Variants in CNTLN observed in about 807,000 individuals in gnomAD.
The protein encoded by CNTLN is centlein, also known as centlein, centrosomal protein.
Under a neutral mutation model 180.0 loss-of-function variants are expected in CNTLN, and 212 were observed. The ratio of observed to expected loss-of-function variants is 1.18; its 90% CI spans 1.05 to 1.32. The LOEUF is 1.32. Among genes scored for constraint, CNTLN ranks in the 40% most tolerant of loss-of-function variants. The probability of loss-of-function intolerance (pLI) is 0.00; values close to 1 mark genes in which losing one functional copy is unlikely to be tolerated. For missense variants in CNTLN, 2,095 were observed against 1,610.9 expected (o/e 1.30, Z -5.14); for synonymous variants, 722 against 563.1 (o/e 1.28, Z -3.99).
intron 6 of CNTLN, among the ~76,000 whole-genome samples, chr9:17,296,374 G>A (rs956485376): frequency 1.3e-5 from 2 of 152,076 alleles, no homozygotes; most frequent in Non-Finnish European, 1.5e-5. Flanking sequence ...GTCCTTAAAT[G>A]CAGACCAGCT....
At chr9:17,330,868 A>T in intron 9 of CNTLN, 60 bp downstream of exon 9, 1 of 1,464,162 alleles carries the variant, frequency 6.8e-7, no homozygotes, top group Non-Finnish European at 9.3e-7. Context: ...ACAAGAGATG[A>T]AGTTAAAAAA....
At chr9:17,304,343 T>C (rs1467910812) in intron 7 of CNTLN, among the ~76,000 whole-genome samples, 1 of 152,188 alleles carries the variant, frequency 6.6e-6, no homozygotes, top group Non-Finnish European at 1.5e-5. Flanking sequence ...GTTCATACAA[T>C]TTTTAATATT....
chr9:17,229,679 G>C (rs1057274862), intron 3 of CNTLN, among the ~76,000 whole-genome samples: 1 of 152,094 alleles, frequency 6.6e-6, no homozygotes, highest in African/African-American at 2.4e-5. Context: ...TAATTTAAAT[G>C]TTAACCACAT....
In CNTLN at chr9:17,179,007, G is replaced by C. The variant is rs569332828; in HGVS notation, c.449+35631G>C. ...CGCCTGTAATCCCAGCACTTTGGGA[G>C]GCCGAGGCGGGCGGATCACGAGGTC... On this transcript the variant is annotated intron_variant, in intron 2 of 25. Transcript: ENST00000380647. Among the ~76,000 whole-genome samples, 49 of 146,394 alleles carry C rather than the reference G, an allele frequency of 3.3e-4. 1 individual carries two copies. The highest frequency in any genetic ancestry group is 6.7e-4 in the Admixed American group (10 of 14,936).
intron 2 of CNTLN, among the ~76,000 whole-genome samples, chr9:17,179,254 A>ATAAAAT (rs1820964974): frequency 2.1e-5 from 3 of 143,458 alleles, no homozygotes; most frequent in African/African-American, 8.4e-5. Flanking sequence ...AAAAAAAAAA[A>ATAAAAT]AAAAAAAAAG....
chr9:17,437,238 C>T (rs535907222), intron 18 of CNTLN, among the ~76,000 whole-genome samples: 56 of 152,290 alleles, frequency 3.7e-4, no homozygotes, highest in African/African-American at 1.2e-3. Context: ...TATTTGTTAA[C>T]AGAATATCTG....
chr9:17,463,065 C>G (rs777581616), intron 20 of CNTLN, 52 bp downstream of exon 20: 3 of 1,043,316 alleles, frequency 2.9e-6, no homozygotes, highest in Non-Finnish European at 4.3e-6. Flanking sequence ...TAGTGGCAAC[C>G]AGCTCTATTA....
At chr9:17,520,065 C>A in the CNTLN span, among the ~76,000 whole-genome samples, 2 of 152,184 alleles carry the variant, frequency 1.3e-5, no homozygotes, top group East Asian at 3.9e-4. Context: ...TGGAGCCTTA[C>A]CCTCATTCAA....
At chr9:17,468,321 G>A (rs112137469) in intron 23 of CNTLN, among the ~76,000 whole-genome samples, 2 of 151,498 alleles carry the variant, frequency 1.3e-5, no homozygotes, top group Non-Finnish European at 3.0e-5. Flanking sequence ...GAAATAGTAT[G>A]TACATGAAAC....
chr9:17,178,457 T>C (rs1820878470), intron 2 of CNTLN, among the ~76,000 whole-genome samples: 1 of 151,854 alleles, frequency 6.6e-6, no homozygotes, highest in African/African-American at 2.4e-5. Flanking sequence ...CGCCCTGGAA[T>C]AGGGAGTGGT....
intron 2 of CNTLN, among the ~76,000 whole-genome samples, chr9:17,193,700 C>T (rs532092997): frequency 3.7e-4 from 56 of 152,238 alleles, no homozygotes; most frequent in African/African-American, 1.3e-3. Flanking sequence ...TGGTAGATTA[C>T]CATTCTGGCA....
intron 1 of CNTLN, 91 bp downstream of exon 1, chr9:17,135,516 T>G: frequency 5.6e-6 from 8 of 1,421,154 alleles, no homozygotes; most frequent in Non-Finnish European, 6.5e-6. Context: ...CCTTGGGACC[T>G]ACCCCGCCCA....
At chr9:17,440,162 C>T (rs1346668812) in intron 18 of CNTLN, among the ~76,000 whole-genome samples, 2 of 152,068 alleles carry the variant, frequency 1.3e-5, no homozygotes, top group Admixed American at 6.5e-5. Flanking sequence ...TCATACAATG[C>T]TATGGGAATG....
rs149921763 is a variant in CNTLN, at chr9:17,190,462, G to C, written c.450-35741G>C. On this transcript the variant is annotated intron_variant, in intron 2 of 25. Coordinates refer to ENST00000380647, the MANE Select transcript of CNTLN (RefSeq NM_017738.4). ...TACCATGAAAGGATTTTTTTATCTT[G>C]TAAGTTTATAATTTTAACATGGCTA... Among the ~76,000 whole-genome samples, 782 of 151,828 alleles carry C rather than the reference G, an allele frequency of 5.2e-3. 5 individuals are homozygous for C. Among genetic ancestry groups the C allele is most frequent in the Non-Finnish European group, 8.1e-3 (553 of 67,920 alleles).
At chr9:17,440,446 G>A (rs1405214376) in intron 18 of CNTLN, among the ~76,000 whole-genome samples, 7 of 150,066 alleles carry the variant, frequency 4.7e-5, no homozygotes, top group South Asian at 2.1e-4. Flanking sequence ...AAAATGAGCC[G>A]GGCGTAGTGG....
At chr9:17,280,556 G>C (rs1174014013) in intron 6 of CNTLN, among the ~76,000 whole-genome samples, 1 of 152,062 alleles carries the variant, frequency 6.6e-6, no homozygotes, top group Non-Finnish European at 1.5e-5. Context: ...GTACAGAGTG[G>C]GCAAAAGTAC....
chr9:17,196,244 G>A (rs1208403006), intron 2 of CNTLN, among the ~76,000 whole-genome samples: 2 of 151,952 alleles, frequency 1.3e-5, no homozygotes, highest in African/African-American at 4.8e-5. Context: ...GGCTAGTCTC[G>A]AACTCTTGAC....
chr9:17,260,804 T>C (rs1826908468), intron 5 of CNTLN, among the ~76,000 whole-genome samples: 1 of 151,340 alleles, frequency 6.6e-6, no homozygotes, highest in Admixed American at 6.6e-5. Context: ...TCTTCAAAGG[T>C]TTTTTTAGCT....
At chr9:17,213,815 CTTCT>C (rs1357857307) in intron 2 of CNTLN, among the ~76,000 whole-genome samples, 1 of 152,016 alleles carries the variant, frequency 6.6e-6, no homozygotes, top group Non-Finnish European at 1.5e-5. Flanking sequence ...ATGTAGTGGC[CTTCT>C]TTGTCTCTTG....
Sources: allele counts gnomAD v4.1 joint callset (sites outside exome capture counted in the v4.1 genomes callset), GRCh38; gene constraint gnomAD v4.1.1; transcripts MANE v1.5; gene names NCBI Gene and HGNC (gene_info 2026-07-23, HGNC 2026-07-21).